The following DYNC2I1 variants were observed in gnomAD, a reference collection of about 807,000 sequenced individuals.
DYNC2I1 encodes cytoplasmic dynein 2 intermediate chain 1.
In DYNC2I1, 89 loss-of-function variants were observed where a neutral mutation model predicts 133.4. That is an observed-to-expected ratio of 0.67 (90% CI 0.56 to 0.80). The LOEUF (loss-of-function observed/expected upper bound fraction) is 0.80, where lower values mean the gene tolerates loss of function less well. Ranked by LOEUF, DYNC2I1 falls within the 30% of genes least tolerant of loss-of-function variation. The probability of loss-of-function intolerance (pLI) is 0.00; values close to 1 mark genes in which losing one functional copy is unlikely to be tolerated. For missense variants in DYNC2I1, 1,291 were observed against 1,314.5 expected, an observed-to-expected ratio of 0.98 and a Z score of 0.28; for synonymous variants, 504 against 484.3, an observed-to-expected ratio of 1.04 and a Z score of -0.54.
intron 8 of DYNC2I1, among the ~76,000 whole-genome samples, chr7:158,893,901 A>G (rs1845487936): frequency 6.6e-6 from 1 of 152,046 alleles, no homozygotes; most frequent in South Asian, 2.1e-4. Flanking sequence ...CACACTACAT[A>G]TCATACCGCA....
chr7:158,957,281 C>T (rs1446002707), downstream of DYNC2I1, among the ~76,000 whole-genome samples: 2 of 152,252 alleles, frequency 1.3e-5, no homozygotes, highest in Non-Finnish European at 2.9e-5. Flanking sequence ...ACCTCTGCGG[C>T]GCTGGCCTCA....
chr7:158,871,198 T>TA lies in DYNC2I1; in HGVS notation c.128dup (p.Glu44GlyfsTer3). On this transcript the variant is annotated frameshift_variant, in exon 3 of 25. Transcript: ENST00000407559. LOFTEE classifies it high-confidence loss of function. Reference sequence around the variant, plus strand: ...GAAAGCACAGAGAGAAGAAGCTGCGTAAGGAGTCTGAGATGGACCTTCCTG... The same window carrying TA: ...GAAAGCACAGAGAGAAGAAGCTGCGTAAAGGAGTCTGAGATGGACCTTCCTG... 6.2e-7 allele frequency: 1 copy of TA among 1,613,606 alleles called. No individual in the cohort carries two copies. The highest frequency in any genetic ancestry group is 8.5e-7 in the Non-Finnish European group (1 of 1,179,736).
chr7:158,914,714 C>A (rs1261895637), intron 14 of DYNC2I1, among the ~76,000 whole-genome samples: 1 of 152,140 alleles, frequency 6.6e-6, no homozygotes, highest in Non-Finnish European at 1.5e-5. Flanking sequence ...AAAATCCATA[C>A]AAAGAGACAT....
In DYNC2I1 at chr7:158,919,882, C is replaced by A. The variant is rs896160983; in HGVS notation, c.1921+1013C>A. 2.3e-4 allele frequency among the ~76,000 whole-genome samples: 25 copies of A among 106,740 alleles called. No individual in the cohort carries two copies. In the East Asian group the frequency reaches 9.3e-3, roughly 40 times the overall value. The allele number at this position is 106,740 out of a possible 152,430, so 70.0% of individuals were successfully genotyped here. On this transcript the variant is annotated intron_variant, in intron 15 of 24. Coordinates refer to ENST00000407559, the MANE Select transcript of DYNC2I1 (RefSeq NM_018051.5). ...CAAGAAGGGAACCGAGTGTGCGCCG[C>A]CCCCAGGGAGCCGACACTGAGCAGT...
At chr7:158,915,908 A>G (rs1848172051) in intron 14 of DYNC2I1, among the ~76,000 whole-genome samples, 1 of 148,756 alleles carries the variant, frequency 6.7e-6, no homozygotes, top group Non-Finnish European at 1.5e-5. Flanking sequence ...ATGATTGTGA[A>G]ACGTCGACAC....
chr7:158,892,842 G>C (rs1365020729), intron 8 of DYNC2I1, among the ~76,000 whole-genome samples: 1 of 151,542 alleles, frequency 6.6e-6, no homozygotes, highest in African/African-American at 2.4e-5. Flanking sequence ...TCAGGAGGCT[G>C]AGGCAGAATT....
chr7:158,925,551 T>C (rs1277217292), intron 17 of DYNC2I1, among the ~76,000 whole-genome samples: 1 of 152,192 alleles, frequency 6.6e-6, no homozygotes, highest in African/African-American at 2.4e-5. Flanking sequence ...TCTATGGAGT[T>C]TGGCGTTTTT....
chr7:158,934,293 A>G (rs1445681734), intron 22 of DYNC2I1, 65 bp downstream of exon 22: 2 of 1,547,850 alleles, frequency 1.3e-6, no homozygotes, highest in Admixed American at 2.2e-5. Context: ...TACCTGATAA[A>G]TATCTTGATT....
intron 1 of DYNC2I1, among the ~76,000 whole-genome samples, chr7:158,857,724 G>A (rs1294848986): frequency 6.7e-6 from 1 of 150,260 alleles, no homozygotes; most frequent in Admixed American, 6.6e-5. Flanking sequence ...TTTTAGTAGA[G>A]ATGAGGTTTC....
chr7:158,915,206 TTG>T (rs1847936934), intron 14 of DYNC2I1, among the ~76,000 whole-genome samples: 1 of 151,134 alleles, frequency 6.6e-6, no homozygotes, highest in African/African-American at 2.4e-5. Flanking sequence ...GACACGCTGG[TTG>T]ACATTAAGGA....
chr7:158,944,666 C>T (rs1851701957), intron 24 of DYNC2I1, among the ~76,000 whole-genome samples: 1 of 152,162 alleles, frequency 6.6e-6, no homozygotes, highest in African/African-American at 2.4e-5. Flanking sequence ...AGGTAGCTGT[C>T]AGGTTGGATG....
At chr7:158,913,123 C>G (rs747817365) in intron 13 of DYNC2I1, 27 bp downstream of exon 13, 1 of 1,482,092 alleles carries the variant, frequency 6.7e-7, no homozygotes, top group Non-Finnish European at 9.3e-7. Flanking sequence ...GAGTGTTGAC[C>G]ATTGACTCTC....
the DYNC2I1 span, among the ~76,000 whole-genome samples, chr7:158,843,455 T>A: frequency 1.3e-5 from 2 of 152,220 alleles, no homozygotes; most frequent in Non-Finnish European, 2.9e-5. Flanking sequence ...AGACGGGGTT[T>A]TGCCATGTTG....
chr7:158,846,555 AAAT>A, the DYNC2I1 span, among the ~76,000 whole-genome samples: 1 of 152,126 alleles, frequency 6.6e-6, no homozygotes, highest in Non-Finnish European at 1.5e-5. Flanking sequence ...CTGTAATTAA[AAAT>A]AAATTATAAT....
At chr7:158,953,472 C>G (rs1852114292) in intron 4 of DYNC2I1, among the ~76,000 whole-genome samples, 1 of 152,236 alleles carries the variant, frequency 6.6e-6, no homozygotes, top group Non-Finnish European at 1.5e-5. Flanking sequence ...TCACATGGTA[C>G]TTTGATACAA....
At chr7:158,956,158 A>T (rs954722395) in intron 4 of DYNC2I1, among the ~76,000 whole-genome samples, 3 of 152,184 alleles carry the variant, frequency 2.0e-5, no homozygotes, top group Non-Finnish European at 4.4e-5. Context: ...CTGTAGAGAG[A>T]GTTTTCCTGG....
At chr7:158,922,629 C>T in intron 16 of DYNC2I1, 80 bp downstream of exon 16, 2 of 1,410,550 alleles carry the variant, frequency 1.4e-6, no homozygotes, top group South Asian at 1.3e-5. Flanking sequence ...TGGGGAGAGT[C>T]ACGGAGAGAG....
chr7:158,930,478 A>C lies in DYNC2I1; in HGVS notation c.2509A>C (p.Lys837Gln). ...AGGTCTGATGCCTGGAGGGAGGGTC[A>C]AGCTGGTACATAGTGCTCTGATCCA... Reference protein sequence around the residue: ...DLGLMPGGRVKLVHSALIQLG... With the variant: ...DLGLMPGGRVQLVHSALIQLG... Residue 837 changes from lysine (K) to glutamine (Q), a missense_variant, in exon 21 of 25, where the codon AAG (lysine) becomes CAG (glutamine). By Grantham distance (53) the Lys-to-Gln change is moderately conservative (BLOSUM62 1). Coordinates refer to ENST00000407559, the MANE Select transcript of DYNC2I1 (RefSeq NM_018051.5). The C allele has an allele frequency of 1.2e-6, 2 of 1,613,122 alleles. No homozygotes were observed. The highest frequency in any genetic ancestry group is 2.2e-5 in the East Asian group (1 of 44,880).
upstream of DYNC2I1, chr7:158,856,483 C>G (rs1367517224): frequency 2.6e-6 from 1 of 385,388 alleles, no homozygotes; most frequent in Non-Finnish European, 4.6e-6. Context: ...GCGGGCACGC[C>G]GAGCAGCGAC....
Sources: gnomAD v4.1 joint callset for allele counts (sites outside exome capture counted in the v4.1 genomes callset) on GRCh38, gnomAD v4.1.1 for gene constraint, MANE v1.5 for transcripts, NCBI Gene and HGNC (gene_info 2026-07-23, HGNC 2026-07-21) for gene names.